The following GPC3 variants were observed in gnomAD, a reference collection of about 807,000 sequenced individuals.
The protein encoded by GPC3 is glypican-3.
Under a neutral mutation model 34.4 loss-of-function variants are expected in GPC3, and 3 were observed. The ratio of observed to expected loss-of-function variants is 0.09; its 90% CI spans 0.04 to 0.23. The LOEUF (loss-of-function observed/expected upper bound fraction) is 0.23, where lower values mean the gene tolerates loss of function less well. GPC3 is among the 10% of genes least tolerant of loss of function. The pLI is 1.00. For synonymous variants in GPC3, 177 were observed against 174.0 expected, an observed-to-expected ratio of 1.02 and a Z score of -0.13; for missense variants, 351 against 445.6, an observed-to-expected ratio of 0.79 and a Z score of 1.91.
At chrX:133,624,736 A>G (rs1454278061) in intron 6 of GPC3, among the ~76,000 whole-genome samples, 8 of 111,642 alleles carry the variant, frequency 7.2e-5, no homozygotes, top group African/African-American at 2.0e-4. Flanking sequence ...AGAGGTACAA[A>G]GAGGAGCTGG....
intron 3 of GPC3, among the ~76,000 whole-genome samples, chrX:133,732,492 G>A (rs1041639579): frequency 6.3e-5 from 7 of 111,365 alleles, no homozygotes; most frequent in South Asian, 3.8e-4. Flanking sequence ...GAATTGGATG[G>A]GAAAGTAAAT....
chrX:133,894,668 C>T (rs1276698056), intron 2 of GPC3, among the ~76,000 whole-genome samples: 1 of 111,297 alleles, frequency 9.0e-6, no homozygotes, highest in Admixed American at 9.6e-5. Context: ...GGTGAAACCC[C>T]GTCTCTACTA....
intron 2 of GPC3, among the ~76,000 whole-genome samples, chrX:133,767,929 T>G (rs2071867093): frequency 9.4e-6 from 1 of 106,543 alleles, no homozygotes. Context: ...TACGTGTGTG[T>G]TAGGGAGTCT....
intron 7 of GPC3, among the ~76,000 whole-genome samples, chrX:133,547,338 T>TAAAG (rs1346894622): frequency 9.0e-6 from 1 of 111,125 alleles, no homozygotes; most frequent in Non-Finnish European, 1.9e-5. Flanking sequence ...TGCCATAATT[T>TAAAG]AAAGAAAAAA....
intron 6 of GPC3, among the ~76,000 whole-genome samples, chrX:133,607,834 G>C (rs902582459): frequency 1.3e-4 from 15 of 112,580 alleles, no homozygotes; most frequent in African/African-American, 4.8e-4. Flanking sequence ...GAGGAAGGCA[G>C]TCATTCGATC....
At chrX:133,923,131 T>TAC (rs375148219) in intron 2 of GPC3, among the ~76,000 whole-genome samples, 2,411 of 107,830 alleles carry the variant, frequency 0.022, 68 homozygotes, top group African/African-American at 0.072. Flanking sequence ...TACACGCGTG[T>TAC]ACACACACAC....
intron 2 of GPC3, among the ~76,000 whole-genome samples, chrX:133,841,901 G>A (rs1443856951): frequency 8.9e-6 from 1 of 112,404 alleles, no homozygotes; most frequent in Non-Finnish European, 1.9e-5. Flanking sequence ...CCTGCTGAAT[G>A]CTTCCTGCCC....
intron 7 of GPC3, among the ~76,000 whole-genome samples, chrX:133,563,912 G>A (rs2069560344): frequency 9.0e-6 from 1 of 111,180 alleles, no homozygotes; most frequent in African/African-American, 3.3e-5. Flanking sequence ...CCCAGCCTTC[G>A]CCTAGAAGTA....
At position 133,951,205 on chromosome X, in the gene GPC3, G is replaced by T. The variant is rs111530786; in HGVS notation, c.337+1845C>A. On this transcript the variant is annotated intron_variant, in intron 2 of 7. Transcript: ENST00000370818. ...AGTATTCAGCCTCCAAGCTATAGCA[G>T]GCTTATCTGGAAGCTAATCCAACCA... Among the ~76,000 whole-genome samples, 357 of 109,670 alleles carry T rather than the reference G, an allele frequency of 3.3e-3. 2 individuals are homozygous for T. The highest frequency in any genetic ancestry group is 0.015 in the South Asian group (37 of 2,491).
At chrX:133,816,967 G>C (rs2075694820) in intron 2 of GPC3, among the ~76,000 whole-genome samples, 1 of 112,066 alleles carries the variant, frequency 8.9e-6, no homozygotes, top group Non-Finnish European at 1.9e-5. Flanking sequence ...CAAAACAAAG[G>C]TGTATCTTCA....
At chrX:133,830,678 C>CAAAAAAAAAAAAAA (rs1174232524) in intron 2 of GPC3, among the ~76,000 whole-genome samples, 1 of 13,439 alleles carries the variant, frequency 7.4e-5, no homozygotes, top group Non-Finnish European at 2.4e-4. Context: ...GACTCCATCT[C>CAAAAAAAAAAAAAA]AAAAAAAAAA....
At chrX:133,682,925 C>G (rs903448114) in intron 5 of GPC3, among the ~76,000 whole-genome samples, 1 of 106,302 alleles carries the variant, frequency 9.4e-6, no homozygotes, top group African/African-American at 3.5e-5. Flanking sequence ...CAAAATTGTG[C>G]CACTGCACTC....
At chrX:133,551,128 C>A (rs1238325750) in intron 7 of GPC3, among the ~76,000 whole-genome samples, 4 of 105,322 alleles carry the variant, frequency 3.8e-5, no homozygotes, top group Admixed American at 2.0e-4. Flanking sequence ...AATCTGCCCC[C>A]CCCCACCCCA....
chrX:133,737,724 G>C (rs1317355105), intron 3 of GPC3, among the ~76,000 whole-genome samples: 1 of 111,207 alleles, frequency 9.0e-6, no homozygotes, highest in African/African-American at 3.3e-5. Flanking sequence ...TACCTATTAC[G>C]TGTAAGATGA....
intron 6 of GPC3, among the ~76,000 whole-genome samples, chrX:133,606,087 A>G (rs1476991997): frequency 8.9e-6 from 1 of 112,182 alleles, no homozygotes; most frequent in African/African-American, 3.2e-5. Context: ...AGTGAAACTT[A>G]TGAAAATATG....
chrX:133,821,648 A>G, intron 2 of GPC3, among the ~76,000 whole-genome samples: 1 of 111,665 alleles, frequency 9.0e-6, no homozygotes, highest in Non-Finnish European at 1.9e-5. Context: ...AAAGGTAATA[A>G]TACCTAGTGT....
intron 3 of GPC3, among the ~76,000 whole-genome samples, chrX:133,726,610 C>T (rs2071409940): frequency 9.0e-6 from 1 of 111,182 alleles, no homozygotes; most frequent in Non-Finnish European, 1.9e-5. Context: ...AGCAGGCAGT[C>T]ACTCTCTTAT....
intron 6 of GPC3, among the ~76,000 whole-genome samples, chrX:133,609,491 T>C (rs1054528658): frequency 8.0e-5 from 9 of 112,307 alleles, no homozygotes; most frequent in Non-Finnish European, 1.3e-4. Context: ...GGTAATTATT[T>C]AGGACATTGG....
intron 2 of GPC3, among the ~76,000 whole-genome samples, chrX:133,879,128 T>C (rs183292059): frequency 2.3e-4 from 26 of 111,013 alleles, no homozygotes; most frequent in Admixed American, 8.7e-4. Flanking sequence ...GAAAGTGTCA[T>C]AGTACATCCA....
Sources: gnomAD v4.1 joint callset for allele counts (sites outside exome capture counted in the v4.1 genomes callset) on GRCh38, gnomAD v4.1.1 for gene constraint, MANE v1.5 for transcripts, NCBI Gene and HGNC (gene_info 2026-07-23, HGNC 2026-07-21) for gene names.